Variants in CASQ2 observed in about 807,000 individuals in gnomAD.
CASQ2 encodes calsequestrin 2.
CASQ2 carries 49 observed loss-of-function variants against 46.5 expected under a neutral mutation model. The ratio of observed to expected loss-of-function variants is 1.05; its 90% confidence interval spans 0.84 to 1.34. CASQ2 has a LOEUF of 1.34. CASQ2 is among the 40% of genes most tolerant of loss of function. CASQ2 has a pLI of 0.00. For missense variants in CASQ2, 486 were observed against 481.3 expected (o/e 1.01, Z -0.09); for synonymous variants, 174 against 168.5 (o/e 1.03, Z -0.25).
intron 2 of CASQ2, among the ~76,000 whole-genome samples, chr1:115,741,217 C>T (rs1056284514): frequency 1.3e-5 from 2 of 152,234 alleles, no homozygotes; most frequent in Non-Finnish European, 2.9e-5. Flanking sequence ...CTATCCCTTT[C>T]ATTCTCCCTT....
At chr1:115,756,093 A>G (rs1370231389) in intron 1 of CASQ2, among the ~76,000 whole-genome samples, 2 of 152,220 alleles carry the variant, frequency 1.3e-5, no homozygotes, top group Admixed American at 6.5e-5. Flanking sequence ...AGGTAGAAGC[A>G]GGTGAGCATG....
intron 6 of CASQ2, 44 bp downstream of exon 6, chr1:115,726,947 TC>T (rs1415048353): frequency 5.8e-6 from 6 of 1,036,490 alleles, no homozygotes; most frequent in African/African-American, 1.6e-5. Context: ...TCCTCTCCAT[TC>T]CCCAGACCCC....
At position 115,725,655 on chromosome 1, in the gene CASQ2, A is replaced by G; in HGVS notation, c.738-102T>C. 2.1e-6 allele frequency: 3 copies of G among 1,442,198 alleles called. 1 individual carries two copies. Among genetic ancestry groups the G allele is most frequent in the South Asian group, 2.5e-5 (2 of 80,886 alleles). The allele number at this position is 1,442,198 out of a possible 1,614,324, so 89.3% of individuals were successfully genotyped here. A position where few individuals can be genotyped will look rare whatever the true frequency, so the allele number is the denominator to read the frequency against. On this transcript the variant is annotated intron_variant, in intron 6 of 10. Coordinates refer to ENST00000261448, the MANE Select transcript of CASQ2 (RefSeq NM_001232.4). Reference sequence around the variant, plus strand: ...GCATTATGAAATGTAAAATGAGATGATGCTTCCTTTGCAAGGCAGGGAGAG... The same window carrying G: ...GCATTATGAAATGTAAAATGAGATGGTGCTTCCTTTGCAAGGCAGGGAGAG...
chr1:115,766,868 TA>T lies in CASQ2; in HGVS notation c.234+1439del, dbSNP rs1649147571. ...ATATACTTGGGGGAGCTAGAGATGA[TA>T]GATAGATAGATAGATAGATAGATAG... is the stretch of plus-strand genomic sequence containing the variant. On this transcript the variant is annotated intron_variant, in intron 1 of 10. Transcript: ENST00000261448. Among the ~76,000 whole-genome samples, 3 of 70,134 alleles carry T rather than the reference TA, an allele frequency of 4.3e-5. No homozygotes were observed. The East Asian group carries it at 1.1e-3, about 27-fold the overall frequency. The allele number at this position is 70,134 out of a possible 152,430, so 46.0% of individuals were successfully genotyped here.
chr1:115,738,272 C>T lies in CASQ2; in HGVS notation c.484G>A (p.Glu162Lys). The T allele has an allele frequency of 6.2e-7, 1 of 1,614,006 alleles. No homozygotes were observed. The highest frequency in any genetic ancestry group is 8.5e-7 in the Non-Finnish European group (1 of 1,179,848). Residue 162 changes from glutamate (E) to lysine (K), a missense_variant, in exon 4 of 11, where the codon GAA becomes AAA. Glu to Lys is a moderately conservative substitution (Grantham distance 56). Transcript: ENST00000261448. ...AAGCCAATGAGTTTGATGTAGTCTT[C>T]AATGCGTTCGAAGGCTTGGACTTCC... ...KLEVQAFERI[E>K]DYIKLIGFFK... is the part of the protein sequence containing the mutation.
In CASQ2 at chr1:115,733,713, T is replaced by TGTG. The variant is rs564853980; in HGVS notation, c.533-742_533-740dup. Among the ~76,000 whole-genome samples, 635 of 151,976 alleles carry TGTG rather than the reference T, an allele frequency of 4.2e-3. 5 individuals carry two copies. The highest frequency in any genetic ancestry group is 6.5e-3 in the Non-Finnish European group (440 of 67,952). On this transcript the variant is annotated intron_variant, in intron 4 of 10. Coordinates refer to ENST00000261448, the MANE Select transcript of CASQ2 (RefSeq NM_001232.4). ...CCTTAGTTGTGAGGGTGATGGTAAT[T>TGTG]GTGGTGGTGGTGGTGGTGGTTATGA...
chr1:115,751,564 C>T (rs551377436), intron 1 of CASQ2, among the ~76,000 whole-genome samples: 2 of 152,014 alleles, frequency 1.3e-5, no homozygotes, highest in South Asian at 2.1e-4. Flanking sequence ...CCCAGCTACT[C>T]GGGAGACTGA....
intron 3 of CASQ2, among the ~76,000 whole-genome samples, chr1:115,739,306 G>A (rs1361064291): frequency 4.6e-5 from 7 of 151,100 alleles, no homozygotes; most frequent in East Asian, 3.9e-4. Context: ...TAGTAGAGAT[G>A]GGGTTTCACC....
intron 1 of CASQ2, among the ~76,000 whole-genome samples, chr1:115,751,751 G>C (rs960367547): frequency 2.6e-5 from 4 of 152,102 alleles, no homozygotes; most frequent in African/African-American, 9.7e-5. Flanking sequence ...GAGTTTGTGG[G>C]CTGGGAGGTC....
intron 7 of CASQ2, among the ~76,000 whole-genome samples, chr1:115,721,273 AG>A (rs1647366756): frequency 6.6e-6 from 1 of 152,130 alleles, no homozygotes; most frequent in Admixed American, 6.5e-5. Context: ...TGAGGTCTCC[AG>A]GGGGAATGAC....
At chr1:115,766,510 G>T (rs1273202425) in intron 1 of CASQ2, among the ~76,000 whole-genome samples, 2 of 152,206 alleles carry the variant, frequency 1.3e-5, no homozygotes, top group African/African-American at 4.8e-5. Context: ...CTGCATGATA[G>T]TTACTATTTT....
At chr1:115,762,148 C>G (rs1648985458) in intron 1 of CASQ2, among the ~76,000 whole-genome samples, 1 of 152,170 alleles carries the variant, frequency 6.6e-6, no homozygotes, top group Admixed American at 6.5e-5. Context: ...AGACCTGGTT[C>G]AACTTCCAAG....
chr1:115,727,020 G>A lies in CASQ2; in HGVS notation c.709C>T (p.Leu237=). 2.7e-6 allele frequency: 4 copies of A among 1,487,500 alleles called. No homozygotes were observed. Among genetic ancestry groups the A allele is most frequent in the Non-Finnish European group, 3.6e-6 (4 of 1,100,082 alleles). 92.1% of individuals were successfully genotyped at this position (1,487,500 alleles called of 1,614,324 possible). A position where few individuals can be genotyped will look rare whatever the true frequency, so the allele number is the denominator to read the frequency against. The change falls in exon 6 of 11, where the codon CTG becomes TTG. Residue 237 remains leucine, a synonymous_variant. Transcript: ENST00000261448. ...IPNKPYTEEE[L]VEFVKEHQRP... ...TGGTGTTCCTTCACAAACTCCACCA[G>A]CTCCTCTTCTGTGTAAGGTTTGTTG...
intron 1 of CASQ2, among the ~76,000 whole-genome samples, chr1:115,754,604 C>G (rs1019502567): frequency 1.6e-4 from 24 of 152,240 alleles, no homozygotes; most frequent in African/African-American, 5.3e-4. Context: ...TGGGGACACA[C>G]AGAGCTTAAG....
At chr1:115,736,993 A>G (rs1647985833) in intron 4 of CASQ2, among the ~76,000 whole-genome samples, 1 of 152,180 alleles carries the variant, frequency 6.6e-6, no homozygotes, top group African/African-American at 2.4e-5. Flanking sequence ...TGTGCTCTTT[A>G]TCCTAACCTT....
intron 9 of CASQ2, among the ~76,000 whole-genome samples, chr1:115,704,055 A>T (rs1454412500): frequency 2.0e-5 from 3 of 152,250 alleles, no homozygotes; most frequent in Admixed American, 6.5e-5. Context: ...TTATATGGCC[A>T]TGACTTTGTT....
chr1:115,708,910 GT>G (rs1331172943), intron 8 of CASQ2, among the ~76,000 whole-genome samples: 9 of 152,326 alleles, frequency 5.9e-5, no homozygotes, highest in African/African-American at 1.9e-4. Context: ...TGCCGATTCT[GT>G]GACCAAAGGC....
intron 8 of CASQ2, among the ~76,000 whole-genome samples, chr1:115,706,180 GTGTA>G (rs1051364607): frequency 2.6e-5 from 4 of 151,896 alleles, no homozygotes; most frequent in African/African-American, 4.8e-5. Flanking sequence ...GCGTGCGTGT[GTGTA>G]TGTGTGTGTG....
chr1:115,720,495 C>T (rs979043923), intron 7 of CASQ2, among the ~76,000 whole-genome samples: 1 of 152,176 alleles, frequency 6.6e-6, no homozygotes, highest in Non-Finnish European at 1.5e-5. Context: ...GACCACAGAA[C>T]CTGTACTCTT....
Sources: gnomAD v4.1 joint callset for allele counts (sites outside exome capture counted in the v4.1 genomes callset) on GRCh38, gnomAD v4.1.1 for gene constraint, MANE v1.5 for transcripts, NCBI Gene and HGNC (gene_info 2026-07-23, HGNC 2026-07-21) for gene names.